Variants in CSNK1G1 observed in about 807,000 individuals in gnomAD.
The protein encoded by CSNK1G1 is casein kinase 1 gamma 1, also known as casein kinase I isoform gamma-1.
In CSNK1G1, 22 loss-of-function variants were observed where a neutral mutation model predicts 59.6. The observed-to-expected ratio is 0.37, with a 90% CI of 0.26 to 0.53. The LOEUF is 0.53. CSNK1G1 is among the 20% of genes least tolerant of loss of function. CSNK1G1 has a pLI of 0.89. For missense variants in CSNK1G1, 384 were observed against 519.5 expected (o/e 0.74, Z 2.54); for synonymous variants, 179 against 177.1 (o/e 1.01, Z -0.08).
At chr15:64,241,423 TC>T (rs1201475826) in intron 4 of CSNK1G1, among the ~76,000 whole-genome samples, 1 of 152,108 alleles carries the variant, frequency 6.6e-6, no homozygotes, top group Non-Finnish European at 1.5e-5. Flanking sequence ...GGCTTCAACA[TC>T]CCATTGGATT....
At chr15:64,183,161 G>C (rs2081842259) in intron 10 of CSNK1G1, among the ~76,000 whole-genome samples, 1 of 152,132 alleles carries the variant, frequency 6.6e-6, no homozygotes, top group Admixed American at 6.5e-5. Flanking sequence ...TGGTGACTCT[G>C]GGTCATGGGG....
intron 1 of CSNK1G1, among the ~76,000 whole-genome samples, chr15:64,352,214 T>A (rs1422860698): frequency 1.3e-5 from 2 of 151,600 alleles, no homozygotes; most frequent in Non-Finnish European, 2.9e-5. Flanking sequence ...GCTGAGGCAG[T>A]AGAATTGCTT....
intron 4 of CSNK1G1, among the ~76,000 whole-genome samples, chr15:64,239,670 A>C (rs1275233576): frequency 6.6e-6 from 1 of 152,204 alleles, no homozygotes; most frequent in Non-Finnish European, 1.5e-5. Context: ...TAAGTCACCC[A>C]TGCCTGACCT....
In CSNK1G1 at chr15:64,171,719, C is replaced by G. The variant is rs759198060; in HGVS notation, c.*212G>C. On this transcript the variant is annotated 3_prime_UTR_variant, in exon 12 of 12. Transcript: ENST00000303052. This position sits in a 1 kb window ranked among gnomAD's most constrained non-coding sequence, Gnocchi z 4.8. ...AGTGGAGGAACAGCAGCTCTGGGAC[C>G]TGCTCAGAGCCTTAGGCAGGCGGAG... 1 of 592,838 alleles carries G rather than the reference C, an allele frequency of 1.7e-6. No individual in the cohort carries two copies. The highest frequency in any genetic ancestry group is 3.0e-6 in the Non-Finnish European group (1 of 332,872). 36.7% of individuals were successfully genotyped at this position (592,838 alleles called of 1,614,324 possible). A position where few individuals can be genotyped will look rare whatever the true frequency, so the allele number is the denominator to read the frequency against.
intron 1 of CSNK1G1, among the ~76,000 whole-genome samples, chr15:64,343,235 A>ACACACACACACACACACACACACC (rs1375118135): frequency 1.3e-5 from 2 of 150,594 alleles, no homozygotes; most frequent in East Asian, 3.9e-4. Context: ...ACACACACAC[A>ACACACACACACACACACACACACC]CCTCTTCTAA....
intron 2 of CSNK1G1, among the ~76,000 whole-genome samples, chr15:64,287,738 T>C (rs1483059990): frequency 6.6e-6 from 1 of 152,224 alleles, no homozygotes; most frequent in Non-Finnish European, 1.5e-5. Context: ...TCTACTTAAT[T>C]ATCTTTTCAG....
chr15:64,328,922 A>C (rs1896983042), intron 1 of CSNK1G1, among the ~76,000 whole-genome samples: 1 of 136,222 alleles, frequency 7.3e-6, no homozygotes, highest in African/African-American at 2.8e-5. Context: ...CAAAAGAGAC[A>C]AAGAAGGCCA....
chr15:64,304,352 C>T (rs1231265306), intron 1 of CSNK1G1, among the ~76,000 whole-genome samples: 1 of 142,218 alleles, frequency 7.0e-6, no homozygotes, highest in African/African-American at 2.7e-5. Context: ...CATTGAACTC[C>T]AGCCTGGGCA....
intron 1 of CSNK1G1, among the ~76,000 whole-genome samples, chr15:64,334,105 G>C (rs1451343654): frequency 6.6e-6 from 1 of 152,158 alleles, no homozygotes; most frequent in Non-Finnish European, 1.5e-5. Context: ...TTCTACCCAA[G>C]AACTGCAAGA....
intron 4 of CSNK1G1, among the ~76,000 whole-genome samples, chr15:64,249,410 C>T (rs1195074875): frequency 1.3e-5 from 2 of 152,130 alleles, no homozygotes; most frequent in Non-Finnish European, 2.9e-5. Context: ...TAAGATGATG[C>T]CCACCGCAGC....
In CSNK1G1 at chr15:64,278,434, T is replaced by TTTTTC. The variant is rs1555400377; in HGVS notation, c.182-19194_182-19193insGAAAA. ...TGTGTGTGTGTATATATATATATAT[T>TTTTTC]TTTTTTTTTTTGGACACAGAGTCTC... is the stretch of plus-strand genomic sequence containing the variant. On this transcript the variant is annotated intron_variant, in intron 2 of 11. Coordinates refer to ENST00000303052, the MANE Select transcript of CSNK1G1 (RefSeq NM_022048.5). Among the ~76,000 whole-genome samples, 4 of 130,080 alleles carry TTTTTC rather than the reference T, an allele frequency of 3.1e-5. 1 individual carries two copies. Among genetic ancestry groups the TTTTTC allele is most frequent in the African/African-American group, 1.1e-4 (4 of 36,360 alleles). The allele number at this position is 130,080 out of a possible 152,430, so 85.3% of individuals were successfully genotyped here.
chr15:64,227,645 T>A (rs1487901485), intron 4 of CSNK1G1, among the ~76,000 whole-genome samples: 1 of 152,228 alleles, frequency 6.6e-6, no homozygotes. Context: ...CCCATTTAAC[T>A]TGGAAATACA....
chr15:64,344,111 G>A (rs1897821173), intron 1 of CSNK1G1, among the ~76,000 whole-genome samples: 1 of 152,110 alleles, frequency 6.6e-6, no homozygotes. Context: ...TAATAGCATT[G>A]TAAGTGGCTT....
rs960162624 is a variant in CSNK1G1 at position 64,169,537 on chromosome 15, C to G, written c.*2394G>C. On this transcript the variant is annotated 3_prime_UTR_variant, in exon 12 of 12. Coordinates refer to ENST00000303052, the MANE Select transcript of CSNK1G1 (RefSeq NM_022048.5). Reference sequence around the variant, plus strand: ...CGTGAGCCACTGCACCTGGCCCCCCCTCTGCCCTCTCTTGAGAGGCAAGGC... The same window carrying G: ...CGTGAGCCACTGCACCTGGCCCCCCGTCTGCCCTCTCTTGAGAGGCAAGGC... 6.6e-6 allele frequency: 1 copy of G among 151,812 alleles called. No homozygotes were observed. 9.4% of individuals were successfully genotyped at this position (151,812 alleles called of 1,614,324 possible). A position where few individuals can be genotyped will look rare whatever the true frequency, so the allele number is the denominator to read the frequency against.
At chr15:64,250,849 T>C (rs1435515525) in intron 4 of CSNK1G1, among the ~76,000 whole-genome samples, 1 of 152,232 alleles carries the variant, frequency 6.6e-6, no homozygotes, top group East Asian at 1.9e-4. Context: ...GAAATTCTAC[T>C]AATGTCAAAT....
chr15:64,310,552 TAA>T (rs5813293), intron 1 of CSNK1G1, among the ~76,000 whole-genome samples: 2,563 of 145,116 alleles, frequency 0.018, 56 homozygotes, highest in African/African-American at 0.048. Context: ...TGTGTCTCTA[TAA>T]AAAAAAAAAA....
chr15:64,251,637 T>C (rs1892090674), intron 3 of CSNK1G1, 56 bp from the exon 4 acceptor site: 2 of 1,334,622 alleles, frequency 1.5e-6, no homozygotes, highest in African/African-American at 2.9e-5. Flanking sequence ...ATTTTTCCAT[T>C]CTTAAATTTT....
In CSNK1G1 at chr15:64,301,368, C is replaced by CA. The variant is rs5813288; in HGVS notation, c.-224-646dup. Among the ~76,000 whole-genome samples the CA allele has an allele frequency of 7.1e-3, 1,007 of 142,364 alleles. 14 individuals are homozygous for CA. The highest frequency in any genetic ancestry group is 0.025 in the African/African-American group (954 of 38,698). The allele number at this position is 142,364 out of a possible 152,430, so 93.4% of individuals were successfully genotyped here. ...GCAGAACCCCAAAGTGAAAATAAAG[C>CA]AAAAAAAAAAAAAAAATCTTAAGCG... On this transcript the variant is annotated intron_variant, in intron 1 of 11. Coordinates refer to ENST00000303052, the MANE Select transcript of CSNK1G1 (RefSeq NM_022048.5).
At chr15:64,253,097 C>A (rs1005510700) in intron 3 of CSNK1G1, among the ~76,000 whole-genome samples, 1 of 152,102 alleles carries the variant, frequency 6.6e-6, no homozygotes, top group Non-Finnish European at 1.5e-5. Flanking sequence ...GTAATCCCAG[C>A]ACTTTGGGAG....
Sources: allele counts gnomAD v4.1 joint callset (sites outside exome capture counted in the v4.1 genomes callset), GRCh38; gene constraint gnomAD v4.1.1; non-coding constraint Gnocchi (gnomAD v3.1); transcripts MANE v1.5; gene names NCBI Gene and HGNC (gene_info 2026-07-23, HGNC 2026-07-21).